Variants in ANKRD11 observed in about 807,000 individuals in gnomAD.
The protein encoded by ANKRD11 is ankyrin repeat domain-containing protein 11.
A neutral mutation model predicts 195.7 loss-of-function variants in ANKRD11; 17 were observed. That is an observed-to-expected ratio of 0.09 (90% CI 0.06 to 0.13). The LOEUF (loss-of-function observed/expected upper bound fraction) is 0.13, where lower values mean the gene tolerates loss of function less well. Ranked by LOEUF, ANKRD11 falls within the 10% of genes least tolerant of loss-of-function variation. ANKRD11 has a pLI of 1.00. For missense variants in ANKRD11, 3,735 were observed against 3,566.1 expected, an observed-to-expected ratio of 1.05 and a Z score of -1.21; for synonymous variants, 1,953 against 1,528.1, an observed-to-expected ratio of 1.28 and a Z score of -6.49.
At chr16:89,481,445 C>T (rs191993580) in intron 1 of ANKRD11, among the ~76,000 whole-genome samples, 2 of 152,238 alleles carry the variant, frequency 1.3e-5, no homozygotes, top group African/African-American at 4.8e-5. Flanking sequence ...TAGTTCTAGC[C>T]ACTCATGACG....
rs374767889 is a variant in ANKRD11, at chr16:89,323,348, C to A, written c.-59-6270G>T. 60 of 1,288,422 alleles carry A rather than the reference C, an allele frequency of 4.7e-5. No individual in the cohort carries two copies. The African/African-American group carries it at 8.5e-4, about 18-fold the overall frequency. 79.8% of individuals were successfully genotyped at this position (1,288,422 alleles called of 1,614,324 possible). ...GGCAATCCCAGGTATGGAAGAGAAG[C>A]ACCACTGGCCTCTCACCTCTCACCA... is the stretch of plus-strand genomic sequence containing the variant. On this transcript the variant is annotated intron_variant, in intron 2 of 12. Transcript: ENST00000301030.
At chr16:89,440,987 C>T (rs938011608) in intron 1 of ANKRD11, among the ~76,000 whole-genome samples, 9 of 152,192 alleles carry the variant, frequency 5.9e-5, no homozygotes, top group Non-Finnish European at 1.3e-4. Flanking sequence ...CCTGTAATCC[C>T]AGCACTTTGG....
intron 2 of ANKRD11, among the ~76,000 whole-genome samples, chr16:89,365,135 T>C (rs1449660020): frequency 6.6e-6 from 1 of 152,238 alleles, no homozygotes; most frequent in East Asian, 1.9e-4. Context: ...CCATGTTTGC[T>C]TTCCTTTTTA....
At chr16:89,485,223 C>A (rs1383663161) in intron 1 of ANKRD11, among the ~76,000 whole-genome samples, 1 of 152,044 alleles carries the variant, frequency 6.6e-6, no homozygotes, top group African/African-American at 2.4e-5. Context: ...GTAGTTCACA[C>A]CTGTAATCCC....
At chr16:89,457,189 G>A (rs1001443732) in intron 1 of ANKRD11, among the ~76,000 whole-genome samples, 14 of 150,658 alleles carry the variant, frequency 9.3e-5, no homozygotes, top group Non-Finnish European at 2.1e-4. Flanking sequence ...TCGATCTCCT[G>A]ACCTCGTGAT....
At chr16:89,470,141 T>C (rs2057026684) in intron 1 of ANKRD11, among the ~76,000 whole-genome samples, 3 of 151,834 alleles carry the variant, frequency 2.0e-5, no homozygotes, top group Admixed American at 6.6e-5. Flanking sequence ...GTCCTGAACT[T>C]GTGATCTGCC....
chr16:89,427,482 T>G (rs1190604869), intron 1 of ANKRD11, among the ~76,000 whole-genome samples: 1 of 152,232 alleles, frequency 6.6e-6, no homozygotes, highest in African/African-American at 2.4e-5. Context: ...AAAACTTTTT[T>G]CAGAGTAGAA....
Position 89,274,886 on chromosome 16 carries a change from G to A in ANKRD11, c.7641C>T (p.Asn2547=), listed in dbSNP as rs990753494. The change falls in exon 11 of 13, where the codon AAC becomes AAT. Residue 2547 remains asparagine (N), a synonymous_variant. Transcript: ENST00000301030. The part of the protein sequence containing the change: ...VHCRAARTIA[N]QAVPFSACTM... Reference sequence around the variant, plus strand: ...TGCAGGCGCTGAATGGCACTGCCTGGTTGGCGATGGTCCTGGCCGCCCGGC... The same window carrying A: ...TGCAGGCGCTGAATGGCACTGCCTGATTGGCGATGGTCCTGGCCGCCCGGC... The A allele has an allele frequency of 3.1e-6, 5 of 1,613,474 alleles. No homozygotes were observed. Among genetic ancestry groups the A allele is most frequent in the African/African-American group, 1.3e-5 (1 of 74,928 alleles).
intron 2 of ANKRD11, among the ~76,000 whole-genome samples, chr16:89,339,446 T>C (rs886418848): frequency 6.6e-6 from 1 of 151,988 alleles, no homozygotes; most frequent in Admixed American, 6.6e-5. Context: ...GAAAGCCCCA[T>C]GGTCCGAGGA....
intron 9 of ANKRD11, chr16:89,277,532 A>G (rs893290084): frequency 6.6e-6 from 1 of 152,264 alleles, no homozygotes; most frequent in Non-Finnish European, 1.5e-5. Context: ...AAAACAACAA[A>G]AAGCACAGAA....
intron 2 of ANKRD11, among the ~76,000 whole-genome samples, chr16:89,414,254 TATC>T (rs1185006643): frequency 6.6e-6 from 1 of 152,236 alleles, no homozygotes; most frequent in East Asian, 1.9e-4. Flanking sequence ...CTGCCTTTGT[TATC>T]ATTAACAAAC....
chr16:89,331,825 G>A (rs1275942260), intron 2 of ANKRD11, among the ~76,000 whole-genome samples: 12 of 152,176 alleles, frequency 7.9e-5, no homozygotes, highest in Non-Finnish European at 1.8e-4. Context: ...AAGATACGGT[G>A]ATGGTTTTGA....
chr16:89,277,591 T>A (rs1271860802), intron 9 of ANKRD11: 1 of 152,176 alleles, frequency 6.6e-6, no homozygotes, highest in African/African-American at 2.4e-5. Flanking sequence ...GGGGCAGGTT[T>A]TTCTGAATGT....
chr16:89,425,424 G>T (rs189661760), intron 1 of ANKRD11, among the ~76,000 whole-genome samples: 4 of 152,192 alleles, frequency 2.6e-5, no homozygotes, highest in Admixed American at 6.5e-5. Flanking sequence ...GACTTAAAGG[G>T]AACACTAAAG....
In ANKRD11 at chr16:89,274,299, C is replaced by T. The variant is rs141518153; in HGVS notation, c.7713+515G>A. 5.3e-5 allele frequency among the ~76,000 whole-genome samples: 8 copies of T among 152,294 alleles called. No homozygotes were observed. The East Asian group carries it at 1.4e-3, about 26-fold the overall frequency. ...AGGACAGTGACTGTAGTTCTGGAACCCTGAGTCCGGCCCGCCCTGGCCCAG... is the reference window on the plus strand; with the variant it reads ...AGGACAGTGACTGTAGTTCTGGAACTCTGAGTCCGGCCCGCCCTGGCCCAG... On this transcript the variant is annotated intron_variant, in intron 11 of 12. Transcript: ENST00000301030.
At chr16:89,447,228 C>A (rs917664222) in intron 1 of ANKRD11, among the ~76,000 whole-genome samples, 2 of 152,110 alleles carry the variant, frequency 1.3e-5, no homozygotes, top group Admixed American at 1.3e-4. Flanking sequence ...TATTGCTGCC[C>A]TGTCTCCTAC....
intron 1 of ANKRD11, among the ~76,000 whole-genome samples, chr16:89,479,129 C>T (rs376673154): frequency 3.3e-5 from 5 of 152,104 alleles, no homozygotes; most frequent in East Asian, 1.9e-4. Context: ...CAGCAAGTCA[C>T]GCCACCACCT....
intron 2 of ANKRD11, among the ~76,000 whole-genome samples, chr16:89,347,693 AT>A (rs2039010557): frequency 6.6e-6 from 1 of 151,916 alleles, no homozygotes; most frequent in Non-Finnish European, 1.5e-5. Flanking sequence ...GTTTTTCCTA[AT>A]TTTCTAAAAT....
chr16:89,427,288 C>T (rs2042755302), intron 1 of ANKRD11, among the ~76,000 whole-genome samples: 1 of 152,036 alleles, frequency 6.6e-6, no homozygotes, highest in East Asian at 1.9e-4. Flanking sequence ...GGGAAAAAAT[C>T]CCATATTCAT....
Sources: allele counts gnomAD v4.1 joint callset (sites outside exome capture counted in the v4.1 genomes callset), GRCh38; gene constraint gnomAD v4.1.1; transcripts MANE v1.5; gene names NCBI Gene and HGNC (gene_info 2026-07-23, HGNC 2026-07-21).